Variants in KCNJ6 observed in about 807,000 individuals in gnomAD.
KCNJ6 encodes potassium inwardly rectifying channel subfamily J member 6.
KCNJ6 carries 9 observed loss-of-function variants against 34.2 expected under a neutral mutation model. That is an observed-to-expected ratio of 0.26 (90% CI 0.16 to 0.46). The LOEUF (loss-of-function observed/expected upper bound fraction) is 0.46. Among genes scored for constraint, KCNJ6 ranks in the 20% least tolerant of loss-of-function variants. The pLI, the probability that KCNJ6 is intolerant of heterozygous loss-of-function variation, is 1.00. For missense variants in KCNJ6, 236 were observed against 531.3 expected (o/e 0.44, Z 5.46); for synonymous variants, 196 against 207.1 (o/e 0.95, Z 0.46).
intron 2 of KCNJ6, among the ~76,000 whole-genome samples, chr21:37,743,314 G>A (rs534088926): frequency 7.9e-5 from 12 of 152,298 alleles, no homozygotes; most frequent in African/African-American, 2.9e-4. Flanking sequence ...GTATGTGTGT[G>A]CATGTGTATG....
At chr21:37,893,586 G>A (rs2055773284) in intron 1 of KCNJ6, among the ~76,000 whole-genome samples, 1 of 151,038 alleles carries the variant, frequency 6.6e-6, no homozygotes, top group Non-Finnish European at 1.5e-5. Flanking sequence ...AGCACTGTGT[G>A]TATAAATGGC....
Position 37,715,025 on chromosome 21 carries a change from G to A in KCNJ6, c.132C>T (p.Ile44=), listed in dbSNP as rs1753295483. ...TTTTCCTTTTGGTCCGATCTCGGCT[G>A]ATGTGTCTTGGCAGGTCATCCCTGG... is the stretch of plus-strand genomic sequence containing the variant. ...KQARDDLPRH[I]SRDRTKRKIQ... is the part of the protein sequence containing the mutation. The change falls in exon 3 of 4, where the codon ATC becomes ATT. Residue 44 remains isoleucine (I), a synonymous_variant. Transcript: ENST00000609713. 6.8e-6 allele frequency: 11 copies of A among 1,614,218 alleles called. No homozygotes were observed. The highest frequency in any genetic ancestry group is 9.3e-6 in the Non-Finnish European group (11 of 1,180,044).
chr21:37,845,378 C>T (rs2836022), intron 1 of KCNJ6, among the ~76,000 whole-genome samples: 26,775 of 152,018 alleles, frequency 0.18, 3,662 homozygotes, highest in East Asian at 0.46. Flanking sequence ...CTTGGATGTT[C>T]GTAGAGAGAG....
chr21:37,771,459 CA>C (rs2055117443), intron 2 of KCNJ6, among the ~76,000 whole-genome samples: 1 of 152,198 alleles, frequency 6.6e-6, no homozygotes, highest in African/African-American at 2.4e-5. Flanking sequence ...CCAGCTGCCA[CA>C]ATTACACAAA....
rs2054289805 is a variant in KCNJ6 at position 37,621,510 on chromosome 21, C to A, written c.*3649G>T. Reference sequence around the variant, plus strand: ...AGGGATGGAAAGCATAAGAATGTTGCTCTGGAGAATTCAAAATTTAGACTA... The same window carrying A: ...AGGGATGGAAAGCATAAGAATGTTGATCTGGAGAATTCAAAATTTAGACTA... On this transcript the variant is annotated 3_prime_UTR_variant, in exon 4 of 4. Coordinates refer to ENST00000609713, the MANE Select transcript of KCNJ6 (RefSeq NM_002240.5). 1 of 152,278 alleles carries A rather than the reference C, an allele frequency of 6.6e-6. No individual in the cohort carries two copies. The highest frequency in any genetic ancestry group is 2.1e-4 in the South Asian group (1 of 4,824). 9.4% of individuals were successfully genotyped at this position (152,278 alleles called of 1,614,324 possible).
At chr21:37,834,979 T>C (rs1464122989) in intron 2 of KCNJ6, among the ~76,000 whole-genome samples, 1 of 152,122 alleles carries the variant, frequency 6.6e-6, no homozygotes, top group Admixed American at 6.5e-5. Context: ...TGTGTTATGG[T>C]GGTGATTTCA....
intron 3 of KCNJ6, among the ~76,000 whole-genome samples, chr21:37,687,127 A>G (rs1367312753): frequency 6.6e-6 from 1 of 152,082 alleles, no homozygotes; most frequent in African/African-American, 2.4e-5. Flanking sequence ...GAGGCATTTC[A>G]GTGGCTGGCT....
rs1213420427 is a variant in KCNJ6, at chr21:37,714,172, A to T, written c.946+39T>A. The T allele has an allele frequency of 7.1e-7, 1 of 1,409,646 alleles. No homozygotes were observed. The highest frequency in any genetic ancestry group is 1.4e-5 in the African/African-American group (1 of 70,666). The allele number at this position is 1,409,646 out of a possible 1,614,324, so 87.3% of individuals were successfully genotyped here. ...ACATCAGGTCCAGTTTAAAATGAGC[A>T]TCTATCCCACAGCCATCCCAGGATA... On this transcript the variant is annotated intron_variant, in intron 3 of 3. Coordinates refer to ENST00000609713, the MANE Select transcript of KCNJ6 (RefSeq NM_002240.5). This position sits in a 1 kb window ranked among gnomAD's most constrained non-coding sequence, Gnocchi z 5.9.
At chr21:37,848,043 G>A (rs1049192562) in intron 1 of KCNJ6, among the ~76,000 whole-genome samples, 7 of 152,208 alleles carry the variant, frequency 4.6e-5, no homozygotes, top group African/African-American at 1.4e-4. Context: ...AGAAGAGCAG[G>A]AGGCTGGCAT....
intron 2 of KCNJ6, among the ~76,000 whole-genome samples, chr21:37,735,395 G>A (rs1468508447): frequency 2.6e-5 from 4 of 152,148 alleles, no homozygotes; most frequent in Non-Finnish European, 4.4e-5. Context: ...TTTGCAAATG[G>A]AATCATTCCA....
rs372311858 is a variant in KCNJ6 at position 37,771,997 on chromosome 21, A to G, written c.26-56866T>C. Among the ~76,000 whole-genome samples the G allele has an allele frequency of 5.9e-5, 9 of 152,330 alleles. 1 individual carries two copies. The highest frequency in any genetic ancestry group is 2.1e-4 in the South Asian group (1 of 4,824). On this transcript the variant is annotated intron_variant, in intron 2 of 3. Coordinates refer to ENST00000609713, the MANE Select transcript of KCNJ6 (RefSeq NM_002240.5). ...ATGTTTTCCCCTTCTGGGGACTGCA[A>G]CATGAAAATTGCATGAAATACATTT... is the stretch of plus-strand genomic sequence containing the variant.
At chr21:37,882,133 T>G (rs908711182) in intron 1 of KCNJ6, among the ~76,000 whole-genome samples, 1 of 152,172 alleles carries the variant, frequency 6.6e-6, no homozygotes, top group Non-Finnish European at 1.5e-5. Flanking sequence ...ACTTCTACAG[T>G]TTTATGTGGG....
intron 1 of KCNJ6, among the ~76,000 whole-genome samples, chr21:37,873,189 C>A (rs1428761831): frequency 2.6e-5 from 4 of 152,184 alleles, no homozygotes; most frequent in African/African-American, 9.7e-5. Context: ...ACAACATCAC[C>A]ATCCCAGCCA....
At position 37,692,876 on chromosome 21, in the gene KCNJ6, T is replaced by A. The variant is rs115327546; in HGVS notation, c.946+21335A>T. On this transcript the variant is annotated intron_variant, in intron 3 of 3. Transcript: ENST00000609713. ...TTTCATTAAACTTAGAGCGAAAGGG[T>A]AGCATTAGATATGCTAAGCTTTACT... is the stretch of plus-strand genomic sequence containing the variant. Among the ~76,000 whole-genome samples, 1,142 of 152,270 alleles carry A rather than the reference T, an allele frequency of 7.5e-3. 8 individuals are homozygous for A. The highest frequency in any genetic ancestry group is 0.026 in the African/African-American group (1,089 of 41,546).
chr21:37,890,092 C>T (rs1208940336), intron 1 of KCNJ6, among the ~76,000 whole-genome samples: 1 of 152,098 alleles, frequency 6.6e-6, no homozygotes, highest in Admixed American at 6.5e-5. Flanking sequence ...TAAAGACATA[C>T]CCGAAACTGG....
chr21:37,713,258 A>C (rs184359213), intron 3 of KCNJ6, among the ~76,000 whole-genome samples: 10 of 152,114 alleles, frequency 6.6e-5, no homozygotes, highest in African/African-American at 2.2e-4. Flanking sequence ...CCTGAATCTC[A>C]AGCTGAAGAC....
intron 2 of KCNJ6, among the ~76,000 whole-genome samples, chr21:37,755,085 C>T (rs926116786): frequency 6.6e-6 from 1 of 152,116 alleles, no homozygotes; most frequent in African/African-American, 2.4e-5. Context: ...TCCTTAAGGA[C>T]CCGAGCGAGA....
rs146820364 is a variant in KCNJ6 at position 37,688,895 on chromosome 21, T to C, written c.946+25316A>G. 3.0e-3 allele frequency among the ~76,000 whole-genome samples: 458 copies of C among 152,326 alleles called. 1 individual carries two copies. The highest frequency in any genetic ancestry group is 9.6e-3 in the African/African-American group (400 of 41,584). On this transcript the variant is annotated intron_variant, in intron 3 of 3. Coordinates refer to ENST00000609713, the MANE Select transcript of KCNJ6 (RefSeq NM_002240.5). ...AGTATCACATCCAAAGAGGGGATGA[T>C]GGCAGTCAAATGGAACAGGTTTGAA...
intron 2 of KCNJ6, among the ~76,000 whole-genome samples, chr21:37,799,793 T>G (rs1030989818): frequency 5.9e-5 from 9 of 152,212 alleles, no homozygotes; most frequent in African/African-American, 1.9e-4. Flanking sequence ...TGTGGTTTAG[T>G]TTGGGCATCT....
Sources: gnomAD v4.1 joint callset for allele counts (sites outside exome capture counted in the v4.1 genomes callset) on GRCh38, gnomAD v4.1.1 for gene constraint, Gnocchi (gnomAD v3.1) non-coding constraint, MANE v1.5 for transcripts, NCBI Gene and HGNC (gene_info 2026-07-23, HGNC 2026-07-21) for gene names.